Variants in ATXN7L1 observed in about 807,000 individuals in gnomAD.
ATXN7L1 encodes the protein ataxin-7-like protein 1.
In ATXN7L1, 15 loss-of-function variants were observed where a neutral mutation model predicts 70.8. The ratio of observed to expected loss-of-function variants is 0.21; its 90% CI spans 0.14 to 0.33. ATXN7L1 has a LOEUF of 0.33. Among genes scored for constraint, ATXN7L1 ranks in the 10% least tolerant of loss-of-function variants. The pLI, the probability that ATXN7L1 is intolerant of heterozygous loss-of-function variation, is 1.00. For missense variants in ATXN7L1, 975 were observed against 1,097.1 expected (o/e 0.89, Z 1.57); for synonymous variants, 440 against 445.1 (o/e 0.99, Z 0.14).
At chr7:105,628,615 C>T (rs1467397629) in intron 7 of ATXN7L1, among the ~76,000 whole-genome samples, 1 of 151,454 alleles carries the variant, frequency 6.6e-6, no homozygotes, top group Non-Finnish European at 1.5e-5. Flanking sequence ...CAGTGAAACC[C>T]CGTCTCTACT....
chr7:105,806,240 G>A (rs551265516), intron 2 of ATXN7L1, among the ~76,000 whole-genome samples: 12 of 152,170 alleles, frequency 7.9e-5, no homozygotes, highest in African/African-American at 2.4e-4. Context: ...TGGGACCTTT[G>A]GGGAATGATG....
intron 3 of ATXN7L1, among the ~76,000 whole-genome samples, chr7:105,773,661 C>T (rs1232532632): frequency 2.0e-5 from 3 of 152,038 alleles, no homozygotes; most frequent in Admixed American, 1.3e-4. Context: ...CTAAAAATCC[C>T]CCCAATCAAA....
intron 3 of ATXN7L1, among the ~76,000 whole-genome samples, chr7:105,757,580 T>TC (rs1165322521): frequency 6.9e-5 from 4 of 58,262 alleles, no homozygotes; most frequent in African/African-American, 5.1e-4. Context: ...CTTTCTGTAT[T>TC]TTTTTTTTTT....
intron 3 of ATXN7L1, among the ~76,000 whole-genome samples, chr7:105,690,719 G>A (rs1055116691): frequency 6.6e-6 from 1 of 152,284 alleles, no homozygotes; most frequent in East Asian, 1.9e-4. Flanking sequence ...TTCCAAGAGC[G>A]GCAGACTCAG....
At chr7:105,771,367 G>C (rs2116440177) in intron 3 of ATXN7L1, among the ~76,000 whole-genome samples, 1 of 152,208 alleles carries the variant, frequency 6.6e-6, no homozygotes, top group South Asian at 2.1e-4. Flanking sequence ...GGAGCCCCCT[G>C]ATGTTCTCAC....
chr7:105,643,559 C>T (rs879881522), intron 4 of ATXN7L1, among the ~76,000 whole-genome samples: 4 of 152,246 alleles, frequency 2.6e-5, no homozygotes, highest in South Asian at 2.1e-4. Context: ...TCCCCCAGCC[C>T]GGCCCGGATC....
At chr7:105,786,129 G>A (rs1420279791) in intron 3 of ATXN7L1, among the ~76,000 whole-genome samples, 2 of 152,194 alleles carry the variant, frequency 1.3e-5, no homozygotes, top group Non-Finnish European at 2.9e-5. Context: ...AGGCCTTGGT[G>A]CCTCAATTTG....
intron 2 of ATXN7L1, among the ~76,000 whole-genome samples, chr7:105,806,437 C>T (rs1056823371): frequency 6.6e-6 from 1 of 152,112 alleles, no homozygotes; most frequent in African/African-American, 2.4e-5. Context: ...GCCACCCAGG[C>T]TATGGTACTT....
At chr7:105,765,269 C>T (rs1013232159) in intron 3 of ATXN7L1, among the ~76,000 whole-genome samples, 6 of 149,994 alleles carry the variant, frequency 4.0e-5, no homozygotes, top group Middle Eastern at 3.4e-3. Context: ...AGGAGGTGGA[C>T]GTTGCAGTGA....
chr7:105,757,460 A>G (rs1281599966), intron 3 of ATXN7L1, among the ~76,000 whole-genome samples: 1 of 148,538 alleles, frequency 6.7e-6, no homozygotes, highest in Non-Finnish European at 1.5e-5. Context: ...AATTATTATG[A>G]TGTGTGCATT....
chr7:105,780,336 T>C (rs904000340), intron 3 of ATXN7L1, among the ~76,000 whole-genome samples: 2 of 151,888 alleles, frequency 1.3e-5, no homozygotes, highest in Non-Finnish European at 1.5e-5. Flanking sequence ...CAGGGGTGAG[T>C]TTCTGCCACT....
chr7:105,648,152 G>A (rs374695736), intron 4 of ATXN7L1, among the ~76,000 whole-genome samples: 1 of 152,350 alleles, frequency 6.6e-6, no homozygotes, highest in East Asian at 1.9e-4. Context: ...AAAGGACTTG[G>A]CAGAAGGAGA....
chr7:105,691,662 AAAAAAAAAAAG>A (rs1343372193), intron 3 of ATXN7L1: 6 of 151,448 alleles, frequency 4.0e-5, no homozygotes, highest in African/African-American at 1.5e-4. Context: ...TGTCAGTAAA[AAAAAAAAAAAG>A]AAAAAAAAAA....
intron 2 of ATXN7L1, among the ~76,000 whole-genome samples, chr7:105,818,579 G>A (rs766788196): frequency 6.6e-6 from 1 of 152,174 alleles, no homozygotes; most frequent in Non-Finnish European, 1.5e-5. Flanking sequence ...ATGATCAGCT[G>A]CCCTAACACA....
chr7:105,642,035 G>T (rs959290385), intron 5 of ATXN7L1, among the ~76,000 whole-genome samples: 1 of 152,204 alleles, frequency 6.6e-6, no homozygotes, highest in East Asian at 1.9e-4. Flanking sequence ...CCATCAGGGA[G>T]TGCCCATGAT....
At chr7:105,800,528 A>G (rs749385022) in intron 2 of ATXN7L1, among the ~76,000 whole-genome samples, 1 of 152,214 alleles carries the variant, frequency 6.6e-6, no homozygotes, top group Non-Finnish European at 1.5e-5. Flanking sequence ...TCCCATTTGT[A>G]CACTGTTTTA....
intron 3 of ATXN7L1, among the ~76,000 whole-genome samples, chr7:105,741,838 A>C (rs975933109): frequency 6.6e-6 from 1 of 152,208 alleles, no homozygotes; most frequent in African/African-American, 2.4e-5. Context: ...CACCTGGTGA[A>C]GATGAAAGCT....
chr7:105,870,890 C>T (rs528177307), intron 2 of ATXN7L1, among the ~76,000 whole-genome samples: 8 of 152,254 alleles, frequency 5.3e-5, no homozygotes, highest in African/African-American at 1.9e-4. Context: ...ACTAGGGGAA[C>T]ACATTGGGTT....
intron 3 of ATXN7L1, among the ~76,000 whole-genome samples, chr7:105,696,843 T>C (rs1382511907): frequency 6.6e-6 from 1 of 152,248 alleles, no homozygotes; most frequent in African/African-American, 2.4e-5. Context: ...CTTTTCTATT[T>C]TCCTAAGTGT....
Sources: gnomAD v4.1 joint callset for allele counts (sites outside exome capture counted in the v4.1 genomes callset) on GRCh38, gnomAD v4.1.1 for gene constraint, MANE v1.5 for transcripts, NCBI Gene and HGNC (gene_info 2026-07-23, HGNC 2026-07-21) for gene names.